The following PCDH15 variants were observed in gnomAD, a reference collection of about 807,000 sequenced individuals.
The protein encoded by PCDH15 is protocadherin-15.
Under a neutral mutation model 178.5 loss-of-function variants are expected in PCDH15, and 129 were observed. The ratio of observed to expected loss-of-function variants is 0.72; its 90% CI spans 0.63 to 0.84. The LOEUF is 0.84. Among genes scored for constraint, PCDH15 ranks in the 40% least tolerant of loss-of-function variants. PCDH15 has a pLI of 0.00. For synonymous variants in PCDH15, 800 were observed against 732.0 expected (o/e 1.09, Z -1.50); for missense variants, 2,230 against 2,099.9 (o/e 1.06, Z -1.21).
chr10:54,096,535 C>G (rs1480352233), intron 15 of PCDH15, among the ~76,000 whole-genome samples: 2 of 152,092 alleles, frequency 1.3e-5, no homozygotes, highest in Admixed American at 6.6e-5. Flanking sequence ...ATGCTAATGA[C>G]TTCAAAATTG....
chr10:55,119,263 C>A (rs545723524), intron 2 of PCDH15, among the ~76,000 whole-genome samples: 2 of 152,218 alleles, frequency 1.3e-5, no homozygotes, highest in South Asian at 2.1e-4. Context: ...GGTCACACAC[C>A]CAGGAAGCTG....
chr10:54,178,570 T>G (rs887980939), intron 13 of PCDH15, among the ~76,000 whole-genome samples: 3 of 150,736 alleles, frequency 2.0e-5, no homozygotes, highest in Admixed American at 1.3e-4. Flanking sequence ...GAAAGAAGAG[T>G]AAGAAGCATC....
At chr10:54,257,673 T>G (rs369861961) in intron 8 of PCDH15, among the ~76,000 whole-genome samples, 1 of 152,078 alleles carries the variant, frequency 6.6e-6, no homozygotes, top group South Asian at 2.1e-4. Flanking sequence ...AAGAAACATT[T>G]TGTGGCCTTA....
chr10:54,346,592 T>C, intron 5 of PCDH15, 108 bp from the exon 6 acceptor site: 1 of 1,303,900 alleles, frequency 7.7e-7, no homozygotes, highest in Non-Finnish European at 1.1e-6. Context: ...AGATACCAGT[T>C]GGCAGCCCAC....
rs1280690697 is a variant in PCDH15 at position 54,195,837 on chromosome 10, T to G, written c.1151A>C (p.Glu384Ala). 6.2e-7 allele frequency: 1 copy of G among 1,614,082 alleles called. No homozygotes were observed. Among genetic ancestry groups the G allele is most frequent in the Non-Finnish European group, 8.5e-7 (1 of 1,179,960 alleles). The change falls in exon 11 of 38, where the codon GAA becomes GCA. Residue 384 changes from glutamate to alanine, a missense_variant. Transcript: ENST00000644397. ...PLPAFAGLHI[E>A]ILDENNQSPY... ...ACTTTGATTGTTTTCATCCAGTATTTCAATGTGTAGACCGGCAAAGGCAGG... is the reference window on the plus strand; with the variant it reads ...ACTTTGATTGTTTTCATCCAGTATTGCAATGTGTAGACCGGCAAAGGCAGG...
intron 3 of PCDH15, among the ~76,000 whole-genome samples, chr10:54,817,161 G>T (rs558923180): frequency 6.6e-6 from 1 of 151,828 alleles, no homozygotes; most frequent in African/African-American, 2.4e-5. Context: ...AATACATTAA[G>T]AGAAATTTTC....
chr10:54,513,526 T>A (rs1036684118), intron 3 of PCDH15, among the ~76,000 whole-genome samples: 2 of 152,102 alleles, frequency 1.3e-5, no homozygotes, highest in Non-Finnish European at 2.9e-5. Context: ...TTCAAAAACA[T>A]CTTATTGAAC....
intron 2 of PCDH15, among the ~76,000 whole-genome samples, chr10:55,581,612 T>G (rs1193762515): frequency 6.6e-6 from 1 of 152,106 alleles, no homozygotes; most frequent in Non-Finnish European, 1.5e-5. Flanking sequence ...GAAATGATTA[T>G]GAGTCAATTT....
At position 54,686,122 on chromosome 10, in the gene PCDH15, G is replaced by A. The variant is rs547722609; in HGVS notation, c.-28-21832C>T. ...AGGCTAGTCTTGTACTCCTGACCTC[G>A]TGATCAGCCTCCCCAAGTGCTGGGA... is the stretch of plus-strand genomic sequence containing the variant. On this transcript the variant is annotated intron_variant, in intron 1 of 37. Coordinates refer to ENST00000644397, the MANE Select transcript of PCDH15 (RefSeq NM_001384140.1). Among the ~76,000 whole-genome samples the A allele has an allele frequency of 4.2e-5, 6 of 144,304 alleles. No individual in the cohort carries two copies. In the South Asian group the frequency reaches 1.3e-3, roughly 31 times the overall value. The allele number at this position is 144,304 out of a possible 152,430, so 94.7% of individuals were successfully genotyped here.
chr10:54,003,171 A>AAAAC (rs1352132376), intron 20 of PCDH15, among the ~76,000 whole-genome samples: 4 of 152,192 alleles, frequency 2.6e-5, no homozygotes, highest in African/African-American at 9.6e-5. Context: ...TCAACTAAAC[A>AAAAC]AAACAACCTA....
chr10:53,904,512 G>C (rs964944755), intron 25 of PCDH15, among the ~76,000 whole-genome samples: 1 of 148,440 alleles, frequency 6.7e-6, no homozygotes, highest in Non-Finnish European at 1.5e-5. Flanking sequence ...AGACAGAACA[G>C]TGAGTTAACC....
chr10:55,160,575 C>G (rs1839038665), intron 2 of PCDH15, among the ~76,000 whole-genome samples: 1 of 151,806 alleles, frequency 6.6e-6, no homozygotes, highest in Admixed American at 6.6e-5. Flanking sequence ...CAAATGGGCC[C>G]CTCTCAATCA....
chr10:54,497,725 C>A (rs867197138), intron 3 of PCDH15, among the ~76,000 whole-genome samples: 1 of 151,772 alleles, frequency 6.6e-6, no homozygotes, highest in African/African-American at 2.4e-5. Flanking sequence ...AAGACTGTAC[C>A]TTCTAATTAA....
chr10:54,912,745 G>A (rs1301091560), intron 2 of PCDH15, among the ~76,000 whole-genome samples: 1 of 152,142 alleles, frequency 6.6e-6, no homozygotes, highest in Non-Finnish European at 1.5e-5. Flanking sequence ...AGTTTGGAGG[G>A]CTCAGAAAAA....
At chr10:54,367,074 T>C (rs10509012) in intron 5 of PCDH15, among the ~76,000 whole-genome samples, 1 of 152,138 alleles carries the variant, frequency 6.6e-6, no homozygotes, top group East Asian at 1.9e-4. Context: ...GTAAAAGAGA[T>C]GAACAAAATT....
At chr10:53,857,075 C>A in intron 28 of PCDH15, 100 bp downstream of exon 28, 2 of 863,704 alleles carry the variant, frequency 2.3e-6, no homozygotes, top group East Asian at 2.7e-5. Flanking sequence ...ATGTAACACA[C>A]CTGCACATGT....
chr10:54,506,603 G>A (rs185456072), intron 3 of PCDH15, among the ~76,000 whole-genome samples: 68 of 152,046 alleles, frequency 4.5e-4, no homozygotes, highest in Non-Finnish European at 6.8e-4. Flanking sequence ...ACACTTTTGG[G>A]TCTAATAGAA....
At chr10:54,968,113 A>G (rs996717991) in intron 2 of PCDH15, among the ~76,000 whole-genome samples, 5 of 152,170 alleles carry the variant, frequency 3.3e-5, no homozygotes, top group African/African-American at 1.2e-4. Context: ...ACTTATACAT[A>G]CATATAGGAA....
chr10:53,811,353 A>G (rs995496245), intron 36 of PCDH15, among the ~76,000 whole-genome samples, 196 bp downstream of exon 36: 2 of 152,190 alleles, frequency 1.3e-5, no homozygotes, highest in Non-Finnish European at 2.9e-5. Flanking sequence ...GTAAAATATC[A>G]ATATGGAACT....
Sources: allele counts gnomAD v4.1 joint callset (sites outside exome capture counted in the v4.1 genomes callset), GRCh38; gene constraint gnomAD v4.1.1; transcripts MANE v1.5; gene names NCBI Gene and HGNC (gene_info 2026-07-23, HGNC 2026-07-21).